Variants in ACTN4 observed in about 807,000 individuals in gnomAD.
ACTN4 encodes alpha-actinin-4.
Under a neutral mutation model 114.2 loss-of-function variants are expected in ACTN4, and 18 were observed. That is an observed-to-expected ratio of 0.16 (90% CI 0.11 to 0.23). ACTN4 has a LOEUF of 0.23. Ranked by LOEUF, ACTN4 falls within the 10% of genes least tolerant of loss-of-function variation. ACTN4 has a pLI of 1.00. For missense variants in ACTN4, 722 were observed against 1,262.9 expected, an observed-to-expected ratio of 0.57 and a Z score of 6.49; for synonymous variants, 515 against 506.3, an observed-to-expected ratio of 1.02 and a Z score of -0.23.
intron 2 of ACTN4, 56 bp from the exon 3 acceptor site, chr19:38,700,946 C>T: frequency 8.1e-6 from 13 of 1,604,666 alleles, no homozygotes; most frequent in South Asian, 4.4e-5. Flanking sequence ...CTCTCGCCCT[C>T]TCTCCCTTTC....
intron 19 of ACTN4, chr19:38,728,295 A>G (rs1015511643): frequency 1.3e-6 from 2 of 1,528,600 alleles, no homozygotes; most frequent in South Asian, 1.2e-5. Flanking sequence ...CTCCTCTGCT[A>G]TGCCTGCGTC....
In ACTN4 at chr19:38,731,074, C is replaced by A; in HGVS notation, c.*1642C>A. ...GCCCACCAGTCCCCGTACCCCTTCC[C>A]CCCATGCCCCACCATGCCGGGGTGG... is the stretch of plus-strand genomic sequence containing the variant. On this transcript the variant is annotated 3_prime_UTR_variant, in exon 21 of 21. Transcript: ENST00000252699. 1 of 1,577,448 alleles carries A rather than the reference C, an allele frequency of 6.3e-7. No individual in the cohort carries two copies. Among genetic ancestry groups the A allele is most frequent in the African/African-American group, 1.4e-5 (1 of 73,720 alleles).
intron 1 of ACTN4, among the ~76,000 whole-genome samples, chr19:38,668,103 G>A (rs1439051354): frequency 6.6e-6 from 1 of 152,158 alleles, no homozygotes; most frequent in Non-Finnish European, 1.5e-5. Flanking sequence ...CTCATTTCAT[G>A]CTTTGCACAG....
intron 11 of ACTN4, among the ~76,000 whole-genome samples, chr19:38,718,958 C>T (rs78760020): frequency 1.5e-3 from 236 of 152,364 alleles, no homozygotes; most frequent in Admixed American, 4.0e-3. Context: ...CCACTGCCTT[C>T]GGCCCACCCT....
At chr19:38,683,245 A>ATGCAG (rs774537556) in intron 1 of ACTN4, among the ~76,000 whole-genome samples, 12 of 152,086 alleles carry the variant, frequency 7.9e-5, no homozygotes, top group Non-Finnish European at 1.5e-4. Context: ...TTTGGTTCTC[A>ATGCAG]TGCAGTGCAG....
At chr19:38,651,242 C>T (rs1436231733) in intron 1 of ACTN4, among the ~76,000 whole-genome samples, 1 of 152,108 alleles carries the variant, frequency 6.6e-6, no homozygotes, top group Non-Finnish European at 1.5e-5. Flanking sequence ...AAGAGTTGGC[C>T]CAAATCAGAG....
chr19:38,692,526 C>T lies in ACTN4; in HGVS notation c.163-8074C>T, dbSNP rs562578840. Among the ~76,000 whole-genome samples, 15 of 152,356 alleles carry T rather than the reference C, an allele frequency of 9.8e-5. No homozygotes were observed. The South Asian group carries it at 3.1e-3, about 32-fold the overall frequency. On this transcript the variant is annotated intron_variant, in intron 1 of 20. Coordinates refer to ENST00000252699, the MANE Select transcript of ACTN4 (RefSeq NM_004924.6). Reference sequence around the variant, plus strand: ...GGCTCCACGGGCCCCCTTGCCAGGGCGAGCATCTCTGCCTGTGCCGCTGGT... The same window carrying T: ...GGCTCCACGGGCCCCCTTGCCAGGGTGAGCATCTCTGCCTGTGCCGCTGGT...
intron 2 of ACTN4, 102 bp downstream of exon 2, chr19:38,700,816 G>T (rs950183974): frequency 7.2e-7 from 1 of 1,382,058 alleles, no homozygotes; most frequent in Admixed American, 1.9e-5. Context: ...TTGCTCCTGG[G>T]GAGGAGAGGG....
intron 1 of ACTN4, chr19:38,648,317 T>G: frequency 6.2e-6 from 1 of 161,168 alleles, no homozygotes; most frequent in Non-Finnish European, 1.4e-5. Context: ...GAGAAGGGAA[T>G]TTCTGGGTCT....
chr19:38,729,177 G>A (rs1969380603), intron 20 of ACTN4, 23 bp downstream of exon 20: 1 of 1,612,878 alleles, frequency 6.2e-7, no homozygotes, highest in Non-Finnish European at 8.5e-7. Context: ...CCTACGAGGT[G>A]CATGGGGGCT....
At chr19:38,698,381 G>A (rs896399284) in intron 1 of ACTN4, among the ~76,000 whole-genome samples, 1 of 152,178 alleles carries the variant, frequency 6.6e-6, no homozygotes, top group Non-Finnish European at 1.5e-5. Flanking sequence ...ATTCAGTATT[G>A]TATGGGGGAG....
chr19:38,725,969 C>A, intron 17 of ACTN4, 66 bp downstream of exon 17: 1 of 1,582,742 alleles, frequency 6.3e-7, no homozygotes, highest in South Asian at 1.1e-5. Context: ...GGAAATGGTT[C>A]GGGCCAGTGA....
intron 1 of ACTN4, among the ~76,000 whole-genome samples, chr19:38,678,650 A>G (rs980544313): frequency 1.3e-5 from 2 of 152,224 alleles, no homozygotes; most frequent in African/African-American, 4.8e-5. Context: ...CATGGGACCC[A>G]GGGCGACACA....
At chr19:38,712,763 C>G (rs537658461) in intron 8 of ACTN4, among the ~76,000 whole-genome samples, 1 of 152,282 alleles carries the variant, frequency 6.6e-6, no homozygotes, top group South Asian at 2.1e-4. Context: ...CTACGGGCCC[C>G]GAACCAGCCC....
At chr19:38,684,866 T>G (rs1013162415) in intron 1 of ACTN4, among the ~76,000 whole-genome samples, 4 of 152,124 alleles carry the variant, frequency 2.6e-5, no homozygotes, top group African/African-American at 7.2e-5. Context: ...GAATCTGAGA[T>G]GGACTGAATA....
At chr19:38,720,156 G>T (rs917205636) in intron 11 of ACTN4, among the ~76,000 whole-genome samples, 1 of 152,182 alleles carries the variant, frequency 6.6e-6, no homozygotes, top group Non-Finnish European at 1.5e-5. Context: ...GGGTGGGTGG[G>T]CCACCTTCAC....
intron 16 of ACTN4, 93 bp from the exon 17 acceptor site, chr19:38,725,631 A>G (rs1017194384): frequency 1.0e-5 from 15 of 1,453,560 alleles, no homozygotes; most frequent in Non-Finnish European, 1.4e-5. Flanking sequence ...GCCCCGGGGA[A>G]GATGCAGGCC....
chr19:38,701,576 G>A (rs1023000581), intron 3 of ACTN4, among the ~76,000 whole-genome samples: 1 of 152,216 alleles, frequency 6.6e-6, no homozygotes, highest in African/African-American at 2.4e-5. Flanking sequence ...GACAGGGAGT[G>A]CACGGCCAAA....
At chr19:38,684,751 C>CTTCTT (rs1182998483) in intron 1 of ACTN4, among the ~76,000 whole-genome samples, 1 of 152,080 alleles carries the variant, frequency 6.6e-6, no homozygotes, top group Non-Finnish European at 1.5e-5. Context: ...ATTTTGATCT[C>CTTCTT]TTCTTTTCTT....
Sources: allele counts gnomAD v4.1 joint callset (sites outside exome capture counted in the v4.1 genomes callset), GRCh38; gene constraint gnomAD v4.1.1; transcripts MANE v1.5; gene names NCBI Gene and HGNC (gene_info 2026-07-23, HGNC 2026-07-21).